BAIAP2: variants seen among roughly 807,000 people sequenced by gnomAD.
BAIAP2 encodes the protein BAR/IMD domain-containing adapter protein 2.
Under a neutral mutation model 63.0 loss-of-function variants are expected in BAIAP2, and 18 were observed. The observed-to-expected ratio is 0.29, with a 90% CI of 0.20 to 0.42. BAIAP2 has a LOEUF of 0.42. Ranked by LOEUF, BAIAP2 falls within the 10% of genes least tolerant of loss-of-function variation. BAIAP2 has a pLI of 1.00. For missense variants in BAIAP2, 610 were observed against 734.3 expected, an observed-to-expected ratio of 0.83 and a Z score of 1.96; for synonymous variants, 386 against 307.6, an observed-to-expected ratio of 1.25 and a Z score of -2.67.
intron 2 of BAIAP2, chr17:81,057,583 G>T: frequency 1.8e-6 from 2 of 1,092,546 alleles, no homozygotes; most frequent in Non-Finnish European, 2.2e-6. Context: ...CCCCGGCCCT[G>T]CCTGGTAGCA....
At chr17:81,078,447 TG>T (rs2054062209) in intron 3 of BAIAP2, among the ~76,000 whole-genome samples, 1 of 125,032 alleles carries the variant, frequency 8.0e-6, no homozygotes, top group African/African-American at 3.2e-5. Context: ...CTGGGTGCTA[TG>T]GGTGCGGGTG....
intron 1 of BAIAP2, among the ~76,000 whole-genome samples, chr17:81,051,300 G>C (rs1450028875): frequency 6.6e-6 from 1 of 152,194 alleles, no homozygotes; most frequent in Non-Finnish European, 1.5e-5. Flanking sequence ...ACATCCCAGA[G>C]CCTCTGATGG....
intron 1 of BAIAP2, among the ~76,000 whole-genome samples, chr17:81,037,663 C>G (rs1386824856): frequency 6.6e-6 from 1 of 152,248 alleles, no homozygotes; most frequent in Non-Finnish European, 1.5e-5. Context: ...CGGGGCCGCT[C>G]CTGTGCCTGG....
chr17:81,103,613 G>A lies in BAIAP2; in HGVS notation c.754G>A (p.Ala252Thr), dbSNP rs141395686. The change falls in exon 8 of 14, where the codon GCC becomes ACC. Residue 252 changes from alanine (A) to threonine (T), a missense_variant. By Grantham distance (58) the Ala-to-Thr change is moderately conservative. Around this residue, in one of 5 missense-constraint regions of BAIAP2, gnomAD observed 389 missense variants for 455.6 expected, o/e 0.85. Coordinates refer to ENST00000428708, the MANE Select transcript of BAIAP2 (RefSeq NM_001144888.2). Reference protein sequence around the residue: ...QLMQQVASNGATLPSALSASK... With the variant: ...QLMQQVASNGTTLPSALSASK... Reference sequence around the variant, plus strand: ...CATGCAGCAGGTGGCCAGCAACGGCGCCACCCTCCCCAGCGCCCTGTCGGC... The same window carrying A: ...CATGCAGCAGGTGGCCAGCAACGGCACCACCCTCCCCAGCGCCCTGTCGGC... 650 of 1,605,380 alleles carry A rather than the reference G, an allele frequency of 4.0e-4. No homozygotes were observed. Among genetic ancestry groups the A allele is most frequent in the Admixed American group, 6.5e-4 (39 of 59,902 alleles).
chr17:81,074,387 C>T (rs368160301), intron 3 of BAIAP2, among the ~76,000 whole-genome samples: 37 of 151,198 alleles, frequency 2.4e-4, no homozygotes, highest in South Asian at 1.3e-3. Flanking sequence ...TGCACGGATA[C>T]GTGAGTGCTG....
In BAIAP2 at chr17:81,053,529, G is replaced by A. The variant is rs917992316; in HGVS notation, c.55-139G>A. ...GGGGCATGGCTGGGATTTGAACTTGGGAAGCCCACCTTGAGCATTTGTGGT... is the reference window on the plus strand; with the variant it reads ...GGGGCATGGCTGGGATTTGAACTTGAGAAGCCCACCTTGAGCATTTGTGGT... On this transcript the variant is annotated intron_variant, in intron 1 of 13. Transcript: ENST00000428708. 4.1e-5 allele frequency: 35 copies of A among 855,342 alleles called. 1 individual carries two copies. Among genetic ancestry groups the A allele is most frequent in the Admixed American group, 3.5e-4 (17 of 49,192 alleles). 53.0% of individuals were successfully genotyped at this position (855,342 alleles called of 1,614,324 possible).
chr17:81,078,760 G>C (rs532193174), intron 3 of BAIAP2, among the ~76,000 whole-genome samples: 25 of 152,030 alleles, frequency 1.6e-4, no homozygotes, highest in Non-Finnish European at 2.6e-4. Context: ...TGCAGCCTCC[G>C]CTCCTCTCTG....
At chr17:81,103,860 C>T in intron 8 of BAIAP2, 47 bp from the exon 9 acceptor site, 4 of 1,607,328 alleles carry the variant, frequency 2.5e-6, no homozygotes, top group East Asian at 2.2e-5. Context: ...CCTGGTCTTG[C>T]CCGGGGTGGG....
chr17:81,052,872 C>T (rs2048890947), intron 1 of BAIAP2, among the ~76,000 whole-genome samples: 1 of 152,150 alleles, frequency 6.6e-6, no homozygotes, highest in South Asian at 2.1e-4. Context: ...ATCAGGATCA[C>T]ATCATAACAA....
rs189468389 is a variant in BAIAP2, at chr17:81,104,325, G to A, written c.1067-189G>A. Among the ~76,000 whole-genome samples, 7 of 152,346 alleles carry A rather than the reference G, an allele frequency of 4.6e-5. No individual in the cohort carries two copies. The East Asian group carries it at 1.3e-3, about 29-fold the overall frequency. Reference sequence around the variant, plus strand: ...GGTGCTCAGTGGGGGCATGAGTGGGGTACAGGGTTAGGCTCATGCAGGCAG... The same window carrying A: ...GGTGCTCAGTGGGGGCATGAGTGGGATACAGGGTTAGGCTCATGCAGGCAG... On this transcript the variant is annotated intron_variant, in intron 9 of 13. Coordinates refer to ENST00000428708, the MANE Select transcript of BAIAP2 (RefSeq NM_001144888.2).
Position 81,086,833 on chromosome 17 carries a change from A to C in BAIAP2, c.489+253A>C. On this transcript the variant is annotated intron_variant, in intron 6 of 13. Transcript: ENST00000428708. ...TCACTGAAAGGTTCTTGGCTGAAGG[A>C]GCAGAAACCTAAATGGAGTCCTCCC... The C allele has an allele frequency of 6.2e-6, 3 of 480,012 alleles. 1 individual carries two copies. In the South Asian group the frequency reaches 7.7e-5, roughly 12 times the overall value. The allele number at this position is 480,012 out of a possible 1,614,324, so 29.7% of individuals were successfully genotyped here.
chr17:81,113,713 C>T (rs1021587036), intron 13 of BAIAP2, among the ~76,000 whole-genome samples: 5 of 152,092 alleles, frequency 3.3e-5, no homozygotes, highest in Non-Finnish European at 5.9e-5. Context: ...TGGTTCAGCA[C>T]GCTCCACCTG....
At chr17:81,075,611 C>T (rs1440554678) in intron 3 of BAIAP2, among the ~76,000 whole-genome samples, 2 of 152,202 alleles carry the variant, frequency 1.3e-5, no homozygotes, top group East Asian at 1.9e-4. Flanking sequence ...CCTTTGAGAG[C>T]GTCCTGAGTG....
Position 81,072,989 on chromosome 17 carries a change from C to T in BAIAP2, c.218-11843C>T, listed in dbSNP as rs2052972536. ...GAGAAAATGGCATCTGGCCTGGAGC[C>T]CCTTCCCACAGCCCTGGGTATTGGG... On this transcript the variant is annotated intron_variant, in intron 3 of 13. Coordinates refer to ENST00000428708, the MANE Select transcript of BAIAP2 (RefSeq NM_001144888.2). Among the ~76,000 whole-genome samples, 4 of 152,046 alleles carry T rather than the reference C, an allele frequency of 2.6e-5. No homozygotes were observed. The South Asian group carries it at 8.3e-4, about 32-fold the overall frequency.
In BAIAP2 at chr17:81,055,574, G is replaced by GTTTTTTGTTGTTTTTTTTTGTTTTTT. The variant is rs370775327; in HGVS notation, c.130+1837_130+1838insGTTGTTTTTTTTTGTTTTTTTTTTTT. On this transcript the variant is annotated intron_variant, in intron 2 of 13. Coordinates refer to ENST00000428708, the MANE Select transcript of BAIAP2 (RefSeq NM_001144888.2). ...CCAGCGAAAGTCTGCAGGGTGTTTT[G>GTTTTTTGTTGTTTTTTTTTGTTTTTT]TTTTTTTTTGAGACGGAGTCTCACT... 8.4e-3 allele frequency among the ~76,000 whole-genome samples: 1,033 copies of GTTTTTTGTTGTTTTTTTTTGTTTTTT among 123,398 alleles called. 19 individuals are homozygous for GTTTTTTGTTGTTTTTTTTTGTTTTTT. Among genetic ancestry groups the GTTTTTTGTTGTTTTTTTTTGTTTTTT allele is most frequent in the Non-Finnish European group, 0.013 (784 of 59,858 alleles). The allele number at this position is 123,398 out of a possible 152,430, so 81.0% of individuals were successfully genotyped here.
At position 81,103,540 on chromosome 17, in the gene BAIAP2, A is replaced by G. The variant is rs1256585149; in HGVS notation, c.681A>G (p.Gln227=). 2 of 1,595,008 alleles carry G rather than the reference A, an allele frequency of 1.3e-6. No individual in the cohort carries two copies. The highest frequency in any genetic ancestry group is 1.7e-6 in the Non-Finnish European group (2 of 1,176,722). The change falls in exon 8 of 14, where the codon CAA becomes CAG. Residue 227 remains glutamine (Q), a synonymous_variant. Coordinates refer to ENST00000428708, the MANE Select transcript of BAIAP2 (RefSeq NM_001144888.2). ...ELLAQKLPLW[Q]QACADPSKIP... ...TGGCGCAGAAGCTGCCGCTGTGGCA[A>G]CAGGCCTGTGCCGACCCCAGCAAGA...
chr17:81,108,636 C>T, intron 13 of BAIAP2, 127 bp downstream of exon 13: 1 of 1,263,236 alleles, frequency 7.9e-7, no homozygotes, highest in East Asian at 2.5e-5. Context: ...CCCTTCACCC[C>T]TGTCAGAGCC....
chr17:81,048,282 G>T (rs1259505966), intron 1 of BAIAP2, among the ~76,000 whole-genome samples: 3 of 149,864 alleles, frequency 2.0e-5, no homozygotes, highest in Non-Finnish European at 4.4e-5. Flanking sequence ...TGCTCAGGAG[G>T]CTGAGGCAGG....
chr17:81,080,891 G>A (rs1326935224), intron 3 of BAIAP2, among the ~76,000 whole-genome samples: 3 of 152,326 alleles, frequency 2.0e-5, no homozygotes, highest in African/African-American at 7.2e-5. Flanking sequence ...GCCGTGAAGA[G>A]TTCAGCTGAG....
Sources: gnomAD v4.1 joint callset for allele counts (sites outside exome capture counted in the v4.1 genomes callset) on GRCh38, gnomAD v4.1.1 for gene constraint, gnomAD v4.1.1 regional missense constraint, MANE v1.5 for transcripts, NCBI Gene and HGNC (gene_info 2026-07-23, HGNC 2026-07-21) for gene names.